The following ELP1 variants were observed in gnomAD, a reference collection of about 807,000 sequenced individuals.
ELP1 encodes the protein elongator complex protein 1.
ELP1 carries 131 observed loss-of-function variants against 183.2 expected under a neutral mutation model. The observed-to-expected ratio is 0.72, with a 90% CI of 0.62 to 0.83. ELP1 has a LOEUF of 0.83. ELP1 is among the 40% of genes least tolerant of loss of function. The pLI is 0.00. For missense variants in ELP1, 1,550 were observed against 1,594.9 expected (o/e 0.97, Z 0.48); for synonymous variants, 555 against 569.0 (o/e 0.98, Z 0.35).
intron 28 of ELP1, 48 bp downstream of exon 28, chr9:108,891,155 A>T (rs766288449): frequency 7.6e-6 from 12 of 1,580,864 alleles, no homozygotes; most frequent in South Asian, 6.7e-5. Flanking sequence ...AAAGAAATAA[A>T]TTTTTTAAAA....
chr9:108,928,799 G>C (rs1829902647), intron 3 of ELP1, among the ~76,000 whole-genome samples: 2 of 152,106 alleles, frequency 1.3e-5, no homozygotes, highest in Admixed American at 1.3e-4. Flanking sequence ...AAAAAAACAA[G>C]CTGTATATGA....
chr9:108,900,799 CAT>C (rs1379013708), intron 18 of ELP1, among the ~76,000 whole-genome samples: 4 of 145,360 alleles, frequency 2.8e-5, no homozygotes, highest in Admixed American at 1.4e-4. Flanking sequence ...GCCACACACA[CAT>C]ACACGCCACA....
chr9:108,933,737 G>A (rs768547622), intron 1 of ELP1, 127 bp downstream of exon 1: 1 of 152,544 alleles, frequency 6.6e-6, no homozygotes, highest in Admixed American at 6.5e-5. Flanking sequence ...CTCTAGGAAA[G>A]AGGTGGTGCA....
intron 4 of ELP1, among the ~76,000 whole-genome samples, chr9:108,927,145 A>G (rs1389072655): frequency 6.6e-6 from 1 of 152,200 alleles, no homozygotes; most frequent in Non-Finnish European, 1.5e-5. Flanking sequence ...AACTTTTTAT[A>G]ATGATAGACT....
Position 108,930,006 on chromosome 9 carries a change from TTC to T in ELP1, c.151-87_151-86del, listed in dbSNP as rs151225256. 3.8e-3 allele frequency: 5,582 copies of T among 1,451,418 alleles called. 17 individuals carry two copies. Among genetic ancestry groups the T allele is most frequent in the Non-Finnish European group, 4.7e-3 (4,934 of 1,041,266 alleles). The allele number at this position is 1,451,418 out of a possible 1,614,324, so 89.9% of individuals were successfully genotyped here. On this transcript the variant is annotated intron_variant, in intron 2 of 36. Transcript: ENST00000374647. ...CATTTCCAGAAATACTTTTTAATGC[TTC>T]TTTTATTACATAAAAGCTTTCAAAA...
chr9:108,894,770 A>G (rs969581091), intron 25 of ELP1, among the ~76,000 whole-genome samples: 1 of 152,216 alleles, frequency 6.6e-6, no homozygotes, highest in South Asian at 2.1e-4. Context: ...AAACAAACAT[A>G]AAATTATACT....
intron 29 of ELP1, among the ~76,000 whole-genome samples, chr9:108,882,581 AT>A (rs1269287231): frequency 4.1e-5 from 6 of 145,468 alleles, no homozygotes; most frequent in East Asian, 2.0e-4. Context: ...AATCTTCTAA[AT>A]TTTTTTTTGT....
intron 2 of ELP1, among the ~76,000 whole-genome samples, chr9:108,930,151 A>C (rs1829951917): frequency 6.6e-6 from 1 of 152,230 alleles, no homozygotes. Context: ...AAACAAAAAC[A>C]ATAAGCCTGG....
chr9:108,922,958 G>C, intron 5 of ELP1, 31 bp from the exon 6 acceptor site: 1 of 1,501,892 alleles, frequency 6.7e-7, no homozygotes, highest in Non-Finnish European at 9.3e-7. Context: ...CAACTAATAA[G>C]CCACATGAAA....
chr9:108,925,472 T>C (rs1829796518), intron 5 of ELP1, among the ~76,000 whole-genome samples: 1 of 152,062 alleles, frequency 6.6e-6, no homozygotes, highest in South Asian at 2.1e-4. Context: ...ATCCCTCACC[T>C]ACCCAATACC....
At position 108,931,048 on chromosome 9, in the gene ELP1, CA is replaced by C; in HGVS notation, c.98del (p.Val33GlyfsTer9). The C allele has an allele frequency of 6.2e-7, 1 of 1,614,138 alleles. No individual in the cohort carries two copies. The highest frequency in any genetic ancestry group is 8.5e-7 in the Non-Finnish European group (1 of 1,179,994). On this transcript the variant is annotated frameshift_variant, in exon 2 of 37. Transcript: ENST00000374647. LOFTEE classifies it high-confidence loss of function. ...TCAGGCCATGTTCTGAACCAATGAG[CA>C]CCGTCCCCTGTTCAGTTCGGAGAGA... ...CFSLRTEQGT[V>X]LIGSEHGLIE...
intron 3 of ELP1, among the ~76,000 whole-genome samples, chr9:108,928,439 G>A (rs1317654726): frequency 8.5e-5 from 13 of 152,182 alleles, no homozygotes; most frequent in Admixed American, 6.5e-4. Flanking sequence ...TTTCTGACGT[G>A]TTTCAAAGAG....
intron 18 of ELP1, among the ~76,000 whole-genome samples, chr9:108,901,129 A>G (rs916930875): frequency 6.6e-5 from 10 of 152,208 alleles, no homozygotes; most frequent in Non-Finnish European, 1.3e-4. Context: ...CTACATAGTA[A>G]TTCCAAATAA....
Position 108,891,227 on chromosome 9 carries a change from C to A in ELP1, c.3136G>T (p.Val1046Leu), listed in dbSNP as rs1331635473. 3.7e-6 allele frequency: 6 copies of A among 1,614,214 alleles called. No individual in the cohort carries two copies. In the East Asian group the frequency reaches 1.1e-4, roughly 30 times the overall value. The stretch of plus-strand genomic sequence containing the variant: ...CCTGCCAGAGTTCTGCCGAGGCCCA[C>A]CAGCTGGTCTTTGGTAAAGTTAAGC... ...AQLNFTKDQLVGLGRTLAGKL... is the reference protein window; with the variant it reads ...AQLNFTKDQLLGLGRTLAGKL... The change falls in exon 28 of 37, where the codon GTG (valine) becomes TTG (leucine). Residue 1046 changes from valine (V) to leucine (L), a missense_variant. Coordinates refer to ENST00000374647, the MANE Select transcript of ELP1 (RefSeq NM_003640.5).
At position 108,911,163 on chromosome 9, in the gene ELP1, C is replaced by G. The variant is rs1160263530; in HGVS notation, c.1207G>C (p.Val403Leu). Reference protein sequence around the residue: ...VIDGNRVLVTVFRQTVVPPPM... With the variant: ...VIDGNRVLVTLFRQTVVPPPM... ...GGCGGAACCACAGTCTGCCGGAAGA[C>G]TGTCACCAACACCCTGTCTGCAGTG... Residue 403 changes from valine (V) to leucine (L), a missense_variant, in exon 12 of 37, where the codon GTC (valine) becomes CTC (leucine). Val to Leu is a conservative substitution (Grantham distance 32). Transcript: ENST00000374647. 6.2e-7 allele frequency: 1 copy of G among 1,614,172 alleles called. No individual in the cohort carries two copies. The highest frequency in any genetic ancestry group is 1.7e-5 in the Admixed American group (1 of 60,024).
At chr9:108,889,530 A>G in intron 28 of ELP1, 137 bp from the exon 29 acceptor site, 1 of 781,812 alleles carries the variant, frequency 1.3e-6, no homozygotes, top group Non-Finnish European at 2.2e-6. Context: ...TATACACCAC[A>G]GAGTCCTATC....
intron 14 of ELP1, among the ~76,000 whole-genome samples, chr9:108,904,485 G>C (rs1328572519): frequency 6.6e-6 from 1 of 152,094 alleles, no homozygotes; most frequent in Non-Finnish European, 1.5e-5. Context: ...TGATGTTAAT[G>C]CTAACATTTA....
At chr9:108,900,510 C>A in intron 18 of ELP1, 135 bp from the exon 19 acceptor site, 1 of 734,534 alleles carries the variant, frequency 1.4e-6, no homozygotes, top group East Asian at 2.7e-5. Context: ...TCCCACTGAA[C>A]CTCAAGACTA....
At chr9:108,923,379 C>T (rs1216343451) in intron 5 of ELP1, among the ~76,000 whole-genome samples, 5 of 152,132 alleles carry the variant, frequency 3.3e-5, no homozygotes, top group Non-Finnish European at 7.4e-5. Flanking sequence ...CATCTCAAAA[C>T]AAACAAACAA....
Sources: allele counts gnomAD v4.1 joint callset (sites outside exome capture counted in the v4.1 genomes callset), GRCh38; gene constraint gnomAD v4.1.1; transcripts MANE v1.5; gene names NCBI Gene and HGNC (gene_info 2026-07-23, HGNC 2026-07-21).